GABPB1: variants seen among roughly 807,000 people sequenced by gnomAD.
GABPB1 encodes GA-binding protein subunit beta-1.
A neutral mutation model predicts 45.9 loss-of-function variants in GABPB1; 15 were observed. The observed-to-expected ratio is 0.33, with a 90% confidence interval of 0.22 to 0.50. The LOEUF is 0.50. Ranked by LOEUF, GABPB1 falls within the 20% of genes least tolerant of loss-of-function variation. GABPB1 has a pLI of 0.98. For synonymous variants in GABPB1, 143 were observed against 154.4 expected (o/e 0.93, Z 0.55); for missense variants, 252 against 457.5 (o/e 0.55, Z 4.10).
At chr15:50,345,357 C>T (rs1248736336) in intron 1 of GABPB1, among the ~76,000 whole-genome samples, 1 of 152,156 alleles carries the variant, frequency 6.6e-6, no homozygotes, top group Non-Finnish European at 1.5e-5. Flanking sequence ...TAAAAGAACT[C>T]AGGAGTTGAC....
intron 1 of GABPB1, among the ~76,000 whole-genome samples, chr15:50,310,137 G>C (rs916646498): frequency 2.0e-5 from 3 of 152,120 alleles, no homozygotes; most frequent in Non-Finnish European, 4.4e-5. Context: ...CTGTCACCCA[G>C]GCTGGAGTGC....
At chr15:50,344,193 A>G (rs1262588023) in intron 1 of GABPB1, among the ~76,000 whole-genome samples, 1 of 152,254 alleles carries the variant, frequency 6.6e-6, no homozygotes, top group African/African-American at 2.4e-5. Flanking sequence ...CACCAGCTTG[A>G]TAATGTTAAA....
intron 2 of GABPB1, among the ~76,000 whole-genome samples, chr15:50,305,280 CTCTA>C (rs56956145): frequency 0.47 from 70,946 of 151,496 alleles, 18,086 homozygotes; most frequent in Middle Eastern, 0.64. Flanking sequence ...AGTCCTATCT[CTCTA>C]TCTATCTATC....
In GABPB1 at chr15:50,326,053, G is replaced by A. The variant is rs545634464; in HGVS notation, c.1-16255C>T. On this transcript the variant is annotated intron_variant, in intron 1 of 8. Transcript: ENST00000380877. Reference sequence around the variant, plus strand: ...CTCTCAAGTAGCTGGGAATATAGGCGCCCACCACCACGCCCAGCTAATTTT... The same window carrying A: ...CTCTCAAGTAGCTGGGAATATAGGCACCCACCACCACGCCCAGCTAATTTT... 1.2e-4 allele frequency among the ~76,000 whole-genome samples: 16 copies of A among 128,668 alleles called. No homozygotes were observed. The South Asian group carries it at 1.4e-3, about 11-fold the overall frequency. 84.4% of individuals were successfully genotyped at this position (128,668 alleles called of 152,430 possible).
intron 1 of GABPB1, among the ~76,000 whole-genome samples, chr15:50,322,004 G>A (rs2047589720): frequency 6.6e-6 from 1 of 151,582 alleles, no homozygotes; most frequent in Non-Finnish European, 1.5e-5. Flanking sequence ...AAAAATCTGA[G>A]GTCAATTCGG....
intron 2 of GABPB1, among the ~76,000 whole-genome samples, chr15:50,309,321 G>A (rs577116859): frequency 2.6e-5 from 4 of 151,978 alleles, no homozygotes; most frequent in African/African-American, 9.6e-5. Flanking sequence ...TTTCTTTTAG[G>A]AGTGACTATT....
chr15:50,301,755 C>G (rs1038005728), intron 4 of GABPB1, among the ~76,000 whole-genome samples: 1 of 152,012 alleles, frequency 6.6e-6, no homozygotes, highest in East Asian at 1.9e-4. Flanking sequence ...TAGTGAGACC[C>G]CCATCTCAAA....
intron 1 of GABPB1, among the ~76,000 whole-genome samples, chr15:50,335,383 A>C (rs2048083520): frequency 6.6e-6 from 1 of 152,068 alleles, no homozygotes; most frequent in Admixed American, 6.6e-5. Flanking sequence ...ATTTCTGTCC[A>C]CCTCACCCCA....
intron 1 of GABPB1, among the ~76,000 whole-genome samples, chr15:50,335,487 C>T (rs2048086257): frequency 6.6e-6 from 1 of 152,202 alleles, no homozygotes; most frequent in African/African-American, 2.4e-5. Context: ...TGTTAACTTC[C>T]TGCTTTAGGC....
intron 1 of GABPB1, among the ~76,000 whole-genome samples, chr15:50,346,102 G>A (rs148338398): frequency 6.6e-6 from 1 of 152,050 alleles, no homozygotes; most frequent in South Asian, 2.1e-4. Flanking sequence ...GTGGCAGCAG[G>A]ATTCTTCTTC....
chr15:50,339,892 C>G (rs974500023), intron 1 of GABPB1, among the ~76,000 whole-genome samples: 3 of 152,120 alleles, frequency 2.0e-5, no homozygotes, highest in Non-Finnish European at 2.9e-5. Context: ...TATTATCACC[C>G]TCTTTACTTC....
At position 50,302,934 on chromosome 15, in the gene GABPB1, A is replaced by G. The variant is rs1474432157; in HGVS notation, c.466T>C (p.Leu156=). 5 of 1,608,306 alleles carry G rather than the reference A, an allele frequency of 3.1e-6. No individual in the cohort carries two copies. Among genetic ancestry groups the G allele is most frequent in the Admixed American group, 3.4e-5 (2 of 59,666 alleles). ...AATTAAAAGCCAAAAGTTACCTGTA[A>G]TATCTCTGCTAAATCTTCATTTCCA... ...DNGNEDLAEI[L]QIAMQNQINT... is the part of the protein sequence containing the mutation. Residue 156 remains leucine, a synonymous_variant, in exon 4 of 9, where the codon TTA becomes CTA. Coordinates refer to ENST00000380877, the MANE Select transcript of GABPB1 (RefSeq NM_016654.5).
intron 1 of GABPB1, among the ~76,000 whole-genome samples, chr15:50,316,947 T>C (rs1382448413): frequency 1.3e-5 from 2 of 152,096 alleles, no homozygotes; most frequent in African/African-American, 4.8e-5. Context: ...TTAGACATTA[T>C]ATAATATTAT....
At chr15:50,336,417 G>A (rs1205772513) in intron 1 of GABPB1, among the ~76,000 whole-genome samples, 1 of 150,980 alleles carries the variant, frequency 6.6e-6, no homozygotes, top group Non-Finnish European at 1.5e-5. Context: ...CACAAGCCTA[G>A]GTACAGTGTC....
chr15:50,298,597 T>C (rs17508371), intron 6 of GABPB1, among the ~76,000 whole-genome samples: 71,991 of 151,976 alleles, frequency 0.47, 18,420 homozygotes, highest in Middle Eastern at 0.65. Context: ...CTCCCAAATA[T>C]AAAGGCTTGG....
intron 1 of GABPB1, among the ~76,000 whole-genome samples, chr15:50,329,906 C>CT (rs537896986): frequency 8.6e-4 from 125 of 145,392 alleles, no homozygotes; most frequent in Admixed American, 1.7e-3. Flanking sequence ...TCCACTCTTA[C>CT]TTTTTTTTTT....
chr15:50,350,267 T>C (rs530630249), intron 1 of GABPB1: 2 of 151,322 alleles, frequency 1.3e-5, no homozygotes, highest in African/African-American at 2.4e-5. Context: ...GCCTGTTTTT[T>C]CTTCTGAAAA....
At chr15:50,302,642 T>TAAA (rs2046796448) in intron 4 of GABPB1, among the ~76,000 whole-genome samples, 3 of 16,714 alleles carry the variant, frequency 1.8e-4, no homozygotes, top group Non-Finnish European at 3.5e-4. Flanking sequence ...AGACTCTGGC[T>TAAA]CAAAAAAAAA....
rs190516422 is a variant in GABPB1 at position 50,288,021 on chromosome 15, G to T, written c.883+1462C>A. Reference sequence around the variant, plus strand: ...CCCTGCCCTTCACTGGCCATGAAAGGCACACGCTCTACAATCCTACTCATT... The same window carrying T: ...CCCTGCCCTTCACTGGCCATGAAAGTCACACGCTCTACAATCCTACTCATT... On this transcript the variant is annotated intron_variant, in intron 7 of 8. Transcript: ENST00000380877. Among the ~76,000 whole-genome samples, 32 of 152,206 alleles carry T rather than the reference G, an allele frequency of 2.1e-4. 1 individual carries two copies. In the East Asian group the frequency reaches 3.1e-3, roughly 15 times the overall value.
Sources: allele counts gnomAD v4.1 joint callset (sites outside exome capture counted in the v4.1 genomes callset), GRCh38; gene constraint gnomAD v4.1.1; transcripts MANE v1.5; gene names NCBI Gene and HGNC (gene_info 2026-07-23, HGNC 2026-07-21).